PDS5B: variants seen among roughly 807,000 people sequenced by gnomAD.
PDS5B encodes the protein sister chromatid cohesion protein PDS5 homolog B.
A neutral mutation model predicts 184.1 loss-of-function variants in PDS5B; 51 were observed. The observed-to-expected ratio is 0.28, with a 90% confidence interval of 0.22 to 0.35. The LOEUF is 0.35. PDS5B is among the 10% of genes least tolerant of loss of function. The pLI is 1.00. For missense variants in PDS5B, 1,180 were observed against 1,723.3 expected (o/e 0.68, Z 5.58); for synonymous variants, 566 against 569.2 (o/e 0.99, Z 0.08).
rs1015396188 is a variant in PDS5B, at chr13:32,614,309, T to G, written c.-20+27716T>G. ...TATTCACATTGGAATTTTTTTTTTT[T>G]TTTTTTGAGACGGAGTCTCACTCTG... On this transcript the variant is annotated intron_variant, in intron 1 of 34. Coordinates refer to ENST00000315596, the MANE Select transcript of PDS5B (RefSeq NM_015032.4). 1.9e-3 allele frequency among the ~76,000 whole-genome samples: 293 copies of G among 151,870 alleles called. 2 individuals carry two copies. The highest frequency in any genetic ancestry group is 6.9e-3 in the African/African-American group (284 of 41,452).
chr13:32,598,222 G>A (rs1003661792), intron 1 of PDS5B, among the ~76,000 whole-genome samples: 1 of 151,862 alleles, frequency 6.6e-6, no homozygotes, highest in Non-Finnish European at 1.5e-5. Context: ...ACAGGCACCC[G>A]CCACCACGCC....
intron 2 of PDS5B, among the ~76,000 whole-genome samples, chr13:32,651,103 C>T (rs1339087605): frequency 1.3e-5 from 2 of 152,086 alleles, no homozygotes; most frequent in Admixed American, 1.3e-4. Flanking sequence ...CATGGTATAC[C>T]ATTCTATTTT....
At chr13:32,592,261 TC>T (rs1157835334) in intron 1 of PDS5B, among the ~76,000 whole-genome samples, 2 of 152,280 alleles carry the variant, frequency 1.3e-5, no homozygotes, top group Admixed American at 1.3e-4. Context: ...TTTTTGGTTT[TC>T]TTTTTTTTTG....
At chr13:32,757,198 T>C (rs1031610427) in intron 26 of PDS5B, among the ~76,000 whole-genome samples, 1 of 152,130 alleles carries the variant, frequency 6.6e-6, no homozygotes, top group African/African-American at 2.4e-5. Context: ...TGTTGAAAAC[T>C]TCTAGCCACT....
chr13:32,611,677 T>G (rs1208711488), intron 1 of PDS5B, among the ~76,000 whole-genome samples: 3 of 151,612 alleles, frequency 2.0e-5, no homozygotes, highest in Non-Finnish European at 4.4e-5. Flanking sequence ...CCTGCTAAGT[T>G]TTTGTATTTT....
chr13:32,719,412 G>A (rs1952590290), intron 19 of PDS5B, among the ~76,000 whole-genome samples: 1 of 152,014 alleles, frequency 6.6e-6, no homozygotes, highest in Non-Finnish European at 1.5e-5. Context: ...TGATCTCCTG[G>A]GCTCAGGTGA....
At chr13:32,746,825 T>C (rs899767664) in intron 24 of PDS5B, among the ~76,000 whole-genome samples, 1 of 152,216 alleles carries the variant, frequency 6.6e-6, no homozygotes, top group Non-Finnish European at 1.5e-5. Flanking sequence ...TTTTGCTGCT[T>C]TGTGTATTTA....
intron 5 of PDS5B, 56 bp from the exon 6 acceptor site, chr13:32,659,098 G>T: frequency 1.5e-6 from 2 of 1,344,690 alleles, no homozygotes; most frequent in South Asian, 3.7e-5. Context: ...GTCATCTTAA[G>T]AGTAAATCCT....
At chr13:32,659,006 G>C (rs1263999156) in intron 5 of PDS5B, 148 bp from the exon 6 acceptor site, 2 of 415,954 alleles carry the variant, frequency 4.8e-6, no homozygotes, top group Non-Finnish European at 8.2e-6. Flanking sequence ...TGATGTGGGA[G>C]AGAGGGAAGC....
At chr13:32,595,186 T>G (rs1477791297) in intron 1 of PDS5B, among the ~76,000 whole-genome samples, 1 of 152,134 alleles carries the variant, frequency 6.6e-6, no homozygotes, top group Admixed American at 6.6e-5. Flanking sequence ...AAAAATGTTG[T>G]AGGGGATGAC....
intron 11 of PDS5B, among the ~76,000 whole-genome samples, chr13:32,685,905 G>A (rs1297327540): frequency 6.6e-6 from 1 of 152,096 alleles, no homozygotes; most frequent in African/African-American, 2.4e-5. Flanking sequence ...CTCCCAAAGT[G>A]TTAGGATTAC....
At chr13:32,612,615 T>C (rs2058160743) in intron 1 of PDS5B, among the ~76,000 whole-genome samples, 2 of 152,144 alleles carry the variant, frequency 1.3e-5, no homozygotes, top group Admixed American at 1.3e-4. Flanking sequence ...CATTCAGCAG[T>C]GTTGGGAGGT....
At chr13:32,749,148 C>G (rs1410153174) in intron 24 of PDS5B, among the ~76,000 whole-genome samples, 1 of 152,186 alleles carries the variant, frequency 6.6e-6, no homozygotes, top group Non-Finnish European at 1.5e-5. Context: ...TGAGCACACT[C>G]TCCTTTACTT....
At chr13:32,692,349 A>G (rs986450965) in intron 13 of PDS5B, among the ~76,000 whole-genome samples, 3 of 145,346 alleles carry the variant, frequency 2.1e-5, no homozygotes, top group African/African-American at 7.4e-5. Flanking sequence ...CGACAGTAGT[A>G]GAAGATGGTA....
chr13:32,662,019 C>T (rs1410630475), intron 6 of PDS5B, among the ~76,000 whole-genome samples: 1 of 151,990 alleles, frequency 6.6e-6, no homozygotes, highest in Non-Finnish European at 1.5e-5. Flanking sequence ...TGTAAATGAC[C>T]TGTATTTACC....
At chr13:32,646,397 C>G (rs1950228429) in intron 1 of PDS5B, among the ~76,000 whole-genome samples, 2 of 140,134 alleles carry the variant, frequency 1.4e-5, no homozygotes, top group Non-Finnish European at 1.5e-5. Context: ...TTTTTTGCCC[C>G]CATTGTATGA....
At chr13:32,684,192 C>A (rs115504607) in intron 11 of PDS5B, among the ~76,000 whole-genome samples, 169 bp downstream of exon 11, 2,099 of 152,110 alleles carry the variant, frequency 0.014, 40 homozygotes, top group African/African-American at 0.047. Flanking sequence ...CTTTCTGTTA[C>A]ATTAAATTGT....
At chr13:32,626,230 T>C (rs145566986) in intron 1 of PDS5B, among the ~76,000 whole-genome samples, 11 of 152,266 alleles carry the variant, frequency 7.2e-5, no homozygotes, top group Admixed American at 2.0e-4. Flanking sequence ...ACTGAGTTGT[T>C]GAAGTGCTAG....
chr13:32,613,642 A>G (rs2058175423), intron 1 of PDS5B, among the ~76,000 whole-genome samples: 1 of 152,216 alleles, frequency 6.6e-6, no homozygotes, highest in African/African-American at 2.4e-5. Context: ...CAAGTGCCTT[A>G]TCATATATAT....
Sources: gnomAD v4.1 joint callset for allele counts (sites outside exome capture counted in the v4.1 genomes callset) on GRCh38, gnomAD v4.1.1 for gene constraint, MANE v1.5 for transcripts, NCBI Gene and HGNC (gene_info 2026-07-23, HGNC 2026-07-21) for gene names.